The following NRXN1 variants were observed in gnomAD, a reference collection of about 807,000 sequenced individuals.
The protein encoded by NRXN1 is neurexin 1.
In NRXN1, 39 loss-of-function variants were observed where a neutral mutation model predicts 150.9. The observed-to-expected ratio is 0.26, with a 90% CI of 0.20 to 0.34. NRXN1 has a LOEUF of 0.34. Among genes scored for constraint, NRXN1 ranks in the 10% least tolerant of loss-of-function variants. The probability of loss-of-function intolerance (pLI) is 1.00; values close to 1 mark genes in which losing one functional copy is unlikely to be tolerated. For synonymous variants in NRXN1, 924 were observed against 757.0 expected, an observed-to-expected ratio of 1.22 and a Z score of -3.62; for missense variants, 1,815 against 1,949.9, an observed-to-expected ratio of 0.93 and a Z score of 1.30.
At chr2:50,541,507 G>A (rs2093387968) in intron 9 of NRXN1, among the ~76,000 whole-genome samples, 1 of 152,092 alleles carries the variant, frequency 6.6e-6, no homozygotes, top group African/African-American at 2.4e-5. Context: ...TTTTATTTAT[G>A]GTGTGTTAGT....
At chr2:50,973,432 T>C (rs539027351) in intron 2 of NRXN1, among the ~76,000 whole-genome samples, 1 of 152,306 alleles carries the variant, frequency 6.6e-6, no homozygotes, top group South Asian at 2.1e-4. Context: ...CTTAAAGATA[T>C]CTCAGATTAA....
chr2:50,841,729 AT>A (rs1207955251), intron 5 of NRXN1, among the ~76,000 whole-genome samples: 2 of 152,178 alleles, frequency 1.3e-5, no homozygotes, highest in African/African-American at 4.8e-5. Flanking sequence ...AAAAATTGTA[AT>A]TTTTGTAAAC....
rs569483478 is a variant in NRXN1 at position 50,103,643 on chromosome 2, G to A, written c.3547-12149C>T. Among the ~76,000 whole-genome samples, 46 of 152,140 alleles carry A rather than the reference G, an allele frequency of 3.0e-4. No individual in the cohort carries two copies. In the South Asian group the frequency reaches 5.8e-3, roughly 19 times the overall value. ...AATCGTGAAGCCAAAAACACGCGAA[G>A]TGCTCAAATTCAAGTAACTCATGGA... On this transcript the variant is annotated intron_variant, in intron 18 of 22. Coordinates refer to ENST00000401669, the MANE Select transcript of NRXN1 (RefSeq NM_001330078.2).
chr2:50,643,659 C>G (rs981837946), intron 5 of NRXN1, among the ~76,000 whole-genome samples: 1 of 151,754 alleles, frequency 6.6e-6, no homozygotes, highest in Non-Finnish European at 1.5e-5. Flanking sequence ...AGTATTGTAT[C>G]CTTTATGTAA....
chr2:50,908,698 T>G (rs1174064989), intron 5 of NRXN1, among the ~76,000 whole-genome samples: 1 of 152,046 alleles, frequency 6.6e-6, no homozygotes, highest in Non-Finnish European at 1.5e-5. Flanking sequence ...CCCCAAATTT[T>G]GTGTGTTGAA....
At chr2:50,052,781 C>A (rs1205894761) in intron 21 of NRXN1, among the ~76,000 whole-genome samples, 1 of 141,926 alleles carries the variant, frequency 7.0e-6, no homozygotes, top group Non-Finnish European at 1.5e-5. Flanking sequence ...CCATCATTCA[C>A]CAAGAAAGCC....
At chr2:50,999,679 C>G (rs1426537432) in intron 2 of NRXN1, among the ~76,000 whole-genome samples, 1 of 151,960 alleles carries the variant, frequency 6.6e-6, no homozygotes, top group Non-Finnish European at 1.5e-5. Flanking sequence ...AGGGAATGAC[C>G]TCTCCAGCCA....
chr2:50,873,075 A>G (rs1325005403), intron 5 of NRXN1, among the ~76,000 whole-genome samples: 1 of 151,892 alleles, frequency 6.6e-6, no homozygotes, highest in Non-Finnish European at 1.5e-5. Flanking sequence ...GAACCAAATT[A>G]CTGACTTAGA....
intron 5 of NRXN1, among the ~76,000 whole-genome samples, chr2:50,637,886 A>C (rs537961501): frequency 6.6e-6 from 1 of 151,748 alleles, no homozygotes; most frequent in Non-Finnish European, 1.5e-5. Context: ...AAAAAAAAAA[A>C]TTTTCCTAGG....
In NRXN1 at chr2:50,497,674, G is replaced by C. The variant is rs757364874; in HGVS notation, c.2538C>G (p.Asn846Lys). ...GTTCTGTGATGATGCCAGTCTCTATGTTATGGAACTCCAGCCTAGTATGAT... is the reference window on the plus strand; with the variant it reads ...GTTCTGTGATGATGCCAGTCTCTATCTTATGGAACTCCAGCCTAGTATGAT... ...AGDHTRLEFH[N>K]IETGIITERR... Residue 846 changes from asparagine (N) to lysine (K), a missense_variant, in exon 14 of 23, where the codon AAC becomes AAG. By Grantham distance (94) the Asn-to-Lys change is moderately conservative. This residue lies in a region of NRXN1 where 638 missense variants were observed against 652.6 expected (regional missense o/e 0.98). Transcript: ENST00000401669. The C allele has an allele frequency of 6.2e-7, 1 of 1,613,674 alleles. No individual in the cohort carries two copies.
intron 18 of NRXN1, among the ~76,000 whole-genome samples, chr2:50,128,607 C>T (rs1018101794): frequency 2.6e-5 from 4 of 152,076 alleles, no homozygotes; most frequent in Admixed American, 2.0e-4. Flanking sequence ...TTGCTGAATA[C>T]ACATCTGATG....
intron 17 of NRXN1, among the ~76,000 whole-genome samples, chr2:50,366,557 C>T (rs193203015): frequency 2.6e-5 from 4 of 152,084 alleles, no homozygotes; most frequent in Non-Finnish European, 2.9e-5. Flanking sequence ...ACTAAAAATA[C>T]TTGCTTTCCA....
At chr2:49,930,353 G>A (rs1221302827) in intron 22 of NRXN1, among the ~76,000 whole-genome samples, 1 of 152,134 alleles carries the variant, frequency 6.6e-6, no homozygotes, top group African/African-American at 2.4e-5. Flanking sequence ...ACATATGACG[G>A]ACCAAGAGTA....
At chr2:50,897,577 AT>A (rs1293832186) in intron 5 of NRXN1, among the ~76,000 whole-genome samples, 1 of 152,246 alleles carries the variant, frequency 6.6e-6, no homozygotes, top group Non-Finnish European at 1.5e-5. Context: ...ATTCCTATCA[AT>A]AAAAAGGAAT....
At chr2:49,959,493 A>G (rs192508581) in intron 21 of NRXN1, among the ~76,000 whole-genome samples, 51 of 152,302 alleles carry the variant, frequency 3.3e-4, no homozygotes, top group Non-Finnish European at 1.2e-4. Context: ...TTTGCTTGAC[A>G]AATTGAGAAG....
rs1326556789 is a variant in NRXN1 at position 51,027,747 on chromosome 2, T to G, written c.527A>C (p.Glu176Ala). The change falls in exon 2 of 23, where the codon GAG (glutamate) becomes GCG (alanine). Residue 176 changes from glutamate to alanine, a missense_variant. Around this residue, in one of 6 missense-constraint regions of NRXN1, gnomAD observed 554 missense variants for 478.8 expected, o/e 1.16. Transcript: ENST00000401669. ...AATCCACCCCTTGAAGGGCTCCCGC[T>G]CCCTCACCGAGGCCAGGGTGAGCTT... ...ALKLTLASVREREPFKGWIRD... is the reference protein window; with the variant it reads ...ALKLTLASVRAREPFKGWIRD... The G allele has an allele frequency of 6.2e-7, 1 of 1,611,894 alleles. No individual in the cohort carries two copies. Among genetic ancestry groups the G allele is most frequent in the Admixed American group, 1.7e-5 (1 of 59,824 alleles).
At chr2:50,309,708 C>T (rs2074999090) in intron 17 of NRXN1, among the ~76,000 whole-genome samples, 1 of 152,118 alleles carries the variant, frequency 6.6e-6, no homozygotes. Context: ...TTCTTGTTCT[C>T]TCTGATGCCA....
intron 18 of NRXN1, among the ~76,000 whole-genome samples, chr2:50,150,137 T>G (rs1400552944): frequency 6.6e-6 from 1 of 151,796 alleles, no homozygotes; most frequent in Non-Finnish European, 1.5e-5. Flanking sequence ...TCACACTTGA[T>G]CACTTTGAGG....
At chr2:49,977,022 T>C (rs1679110512) in intron 21 of NRXN1, among the ~76,000 whole-genome samples, 1 of 152,172 alleles carries the variant, frequency 6.6e-6, no homozygotes, top group African/African-American at 2.4e-5. Context: ...GGTGTAGGGC[T>C]AAAGACAAAA....
Sources: gnomAD v4.1 joint callset for allele counts (sites outside exome capture counted in the v4.1 genomes callset) on GRCh38, gnomAD v4.1.1 for gene constraint, gnomAD v4.1.1 regional missense constraint, MANE v1.5 for transcripts, NCBI Gene and HGNC (gene_info 2026-07-23, HGNC 2026-07-21) for gene names.